Variants in MAP3K13 observed in about 807,000 individuals in gnomAD.
MAP3K13 encodes mitogen-activated protein kinase kinase kinase 13.
MAP3K13 carries 52 observed loss-of-function variants against 104.0 expected under a neutral mutation model. That is an observed-to-expected ratio of 0.50 (90% CI 0.40 to 0.63). The LOEUF (loss-of-function observed/expected upper bound fraction) is 0.63, where lower values mean the gene tolerates loss of function less well. Among genes scored for constraint, MAP3K13 ranks in the 20% least tolerant of loss-of-function variants. MAP3K13 has a pLI of 0.00. For missense variants in MAP3K13, 914 were observed against 1,218.5 expected (o/e 0.75, Z 3.72); for synonymous variants, 394 against 442.2 (o/e 0.89, Z 1.37).
intron 2 of MAP3K13, among the ~76,000 whole-genome samples, chr3:185,320,870 A>T (rs2108694316): frequency 6.6e-6 from 1 of 152,334 alleles, no homozygotes; most frequent in Middle Eastern, 3.4e-3. Context: ...TTTTACTGGT[A>T]TACTGTGTAC....
chr3:185,412,967 T>G (rs746415654), intron 1 of MAP3K13, among the ~76,000 whole-genome samples: 2 of 152,212 alleles, frequency 1.3e-5, no homozygotes, highest in African/African-American at 4.8e-5. Context: ...CAAGGAATGA[T>G]GGTAGCAGTA....
intron 7 of MAP3K13, among the ~76,000 whole-genome samples, chr3:185,456,468 G>T (rs557153773): frequency 2.2e-4 from 34 of 152,092 alleles, no homozygotes; most frequent in African/African-American, 8.2e-4. Context: ...CACTGGATGA[G>T]AAATCTTTAT....
chr3:185,325,868 G>A (rs1722027301), intron 2 of MAP3K13, among the ~76,000 whole-genome samples: 2 of 152,150 alleles, frequency 1.3e-5, no homozygotes, highest in South Asian at 2.1e-4. Context: ...ACTGGCCTTC[G>A]TCCTCTTGGT....
chr3:185,476,701 C>T (rs971562152), intron 11 of MAP3K13: 9 of 152,758 alleles, frequency 5.9e-5, no homozygotes, highest in African/African-American at 1.9e-4. Flanking sequence ...TTGCTGCCAA[C>T]ATGCTGACTC....
intron 2 of MAP3K13, among the ~76,000 whole-genome samples, chr3:185,336,107 A>G (rs962102402): frequency 3.9e-5 from 6 of 152,194 alleles, no homozygotes; most frequent in Non-Finnish European, 8.8e-5. Context: ...GTTGTCACAT[A>G]AGAAGTAGGA....
intron 1 of MAP3K13, among the ~76,000 whole-genome samples, chr3:185,387,893 A>T (rs1019322173): frequency 2.0e-5 from 3 of 152,194 alleles, no homozygotes; most frequent in Non-Finnish European, 2.9e-5. Flanking sequence ...TGCAGATAAC[A>T]TGCTCTTATA....
intron 2 of MAP3K13, among the ~76,000 whole-genome samples, chr3:185,355,817 A>G (rs1277370336): frequency 1.3e-5 from 2 of 152,258 alleles, no homozygotes; most frequent in Non-Finnish European, 2.9e-5. Flanking sequence ...GAATAACCTA[A>G]GAGAAAATGC....
intron 10 of MAP3K13, among the ~76,000 whole-genome samples, chr3:185,470,133 A>G (rs975169753): frequency 3.3e-5 from 5 of 152,136 alleles, no homozygotes; most frequent in African/African-American, 1.2e-4. Flanking sequence ...TATTTATTGC[A>G]TTTCTCATAA....
At chr3:185,358,313 C>T (rs28504558), upstream of MAP3K13, among the ~76,000 whole-genome samples, 12,785 of 152,150 alleles carry the variant, frequency 0.084, 707 homozygotes, top group East Asian at 0.21. Flanking sequence ...TCTTCAAGAA[C>T]AGAAAATTTT....
intron 7 of MAP3K13, among the ~76,000 whole-genome samples, chr3:185,455,058 T>G (rs1240127553): frequency 9.7e-6 from 1 of 102,714 alleles, no homozygotes; most frequent in Non-Finnish European, 1.8e-5. Context: ...GAGATATATG[T>G]GAGATATATA....
intron 1 of MAP3K13, among the ~76,000 whole-genome samples, chr3:185,374,086 C>T (rs1246702362): frequency 6.6e-6 from 1 of 151,918 alleles, no homozygotes; most frequent in African/African-American, 2.4e-5. Context: ...ATCAGTTAGG[C>T]TGGGGCAGAA....
At chr3:185,397,213 T>C (rs1003660779) in intron 1 of MAP3K13, among the ~76,000 whole-genome samples, 5 of 152,254 alleles carry the variant, frequency 3.3e-5, no homozygotes, top group African/African-American at 1.2e-4. Context: ...AGCTAATCAA[T>C]TGTGAGATAT....
At chr3:185,301,407 G>T (rs1007075052) in intron 2 of MAP3K13, among the ~76,000 whole-genome samples, 1 of 151,766 alleles carries the variant, frequency 6.6e-6, no homozygotes, top group African/African-American at 2.4e-5. Flanking sequence ...TTTTAAGGTT[G>T]CCTTTTCACT....
chr3:185,417,597 C>T lies in MAP3K13; in HGVS notation c.-85-10900C>T. 2.8e-6 allele frequency: 3 copies of T among 1,080,170 alleles called. No individual in the cohort carries two copies. In the South Asian group the frequency reaches 5.5e-5, roughly 20 times the overall value. 66.9% of individuals were successfully genotyped at this position (1,080,170 alleles called of 1,614,324 possible). A position where few individuals can be genotyped will look rare whatever the true frequency, so the allele number is the denominator to read the frequency against. On this transcript the variant is annotated intron_variant, in intron 1 of 13. Coordinates refer to ENST00000265026, the MANE Select transcript of MAP3K13 (RefSeq NM_004721.5). ...CTGCTGCCTTTTTTCCCACCAGAGG[C>T]TTCTTCTGCTTCTTAACACCAACAG...
intron 1 of MAP3K13, among the ~76,000 whole-genome samples, chr3:185,405,999 A>G (rs1030975088): frequency 4.6e-5 from 7 of 152,182 alleles, no homozygotes; most frequent in Non-Finnish European, 8.8e-5. Context: ...AATAGTTTTG[A>G]CTTTTAGAAG....
intron 10 of MAP3K13, 97 bp downstream of exon 10, chr3:185,467,060 C>A: frequency 7.3e-7 from 1 of 1,372,538 alleles, no homozygotes; most frequent in Non-Finnish European, 1.0e-6. Flanking sequence ...TCTTCTTTAG[C>A]TCATCAGATG....
chr3:185,293,223 T>C lies in MAP3K13; in HGVS notation c.-86+7580T>C, dbSNP rs1720807141. 5 of 176,596 alleles carry C rather than the reference T, an allele frequency of 2.8e-5. No homozygotes were observed. In the South Asian group the frequency reaches 7.6e-4, roughly 27 times the overall value. 10.9% of individuals were successfully genotyped at this position (176,596 alleles called of 1,614,324 possible). A position where few individuals can be genotyped will look rare whatever the true frequency, so the allele number is the denominator to read the frequency against. On this transcript the variant is annotated intron_variant, in intron 2 of 14. Transcript: ENST00000424227. ...ACCTCTGCCTCCTGGGTTCAAGCGA[T>C]TCTCCTGCCTCAGCCTCCCGAGTAG...
intron 13 of MAP3K13, among the ~76,000 whole-genome samples, 153 bp downstream of exon 13, chr3:185,480,682 G>C (rs889832238): frequency 1.3e-5 from 2 of 152,168 alleles, no homozygotes; most frequent in African/African-American, 2.4e-5. Context: ...AACTACCTGA[G>C]ACTGGGTAAT....
chr3:185,409,400 CT>C (rs1232325231), intron 1 of MAP3K13, among the ~76,000 whole-genome samples: 5 of 152,102 alleles, frequency 3.3e-5, no homozygotes, highest in African/African-American at 4.8e-5. Context: ...CTTAATATCT[CT>C]GATTATCAGG....
Sources: gnomAD v4.1 joint callset for allele counts (sites outside exome capture counted in the v4.1 genomes callset) on GRCh38, gnomAD v4.1.1 for gene constraint, MANE v1.5 for transcripts, NCBI Gene and HGNC (gene_info 2026-07-23, HGNC 2026-07-21) for gene names.